MRPS21: variants seen among roughly 807,000 people sequenced by gnomAD.
MRPS21 encodes small ribosomal subunit protein bS21m.
Under a neutral mutation model 9.9 loss-of-function variants are expected in MRPS21, and 8 were observed. The ratio of observed to expected loss-of-function variants is 0.81; its 90% CI spans 0.47 to 1.45. MRPS21 has a LOEUF of 1.45. MRPS21 is among the 40% of genes most tolerant of loss of function. The pLI is 0.00. For missense variants in MRPS21, 101 were observed against 118.9 expected (o/e 0.85, Z 0.70); for synonymous variants, 40 against 40.3 (o/e 0.99, Z 0.03).
rs587677677 is a variant in MRPS21, at chr1:150,293,893, C to T, written c.-38C>T. 3 of 170,122 alleles carry T rather than the reference C, an allele frequency of 1.8e-5. No homozygotes were observed. Among genetic ancestry groups the T allele is most frequent in the Admixed American group, 5.7e-5 (1 of 17,552 alleles). 10.5% of individuals were successfully genotyped at this position (170,122 alleles called of 1,614,324 possible). On this transcript the variant is annotated 5_prime_UTR_variant, in exon 1 of 3. Coordinates refer to ENST00000614145, the MANE Select transcript of MRPS21 (RefSeq NM_031901.6). ...CTTCCGGTGGGCTAGGTACTGAGCGCGCGAGGTGAGGAGTTGTGCAGGGTT... is the reference window on the plus strand; with the variant it reads ...CTTCCGGTGGGCTAGGTACTGAGCGTGCGAGGTGAGGAGTTGTGCAGGGTT...
intron 2 of MRPS21, among the ~76,000 whole-genome samples, chr1:150,305,668 C>T (rs1216510113): frequency 6.6e-6 from 1 of 152,076 alleles, no homozygotes; most frequent in African/African-American, 2.4e-5. Context: ...GATCTCGGCT[C>T]ATTGCAACCT....
chr1:150,303,767 A>C (rs1560065621), intron 2 of MRPS21: 3 of 346,470 alleles, frequency 8.7e-6, no homozygotes, highest in Non-Finnish European at 1.8e-5. Flanking sequence ...ATGCCATCGT[A>C]GTAAAGGTAA....
intron 2 of MRPS21, 58 bp downstream of exon 2, chr1:150,294,507 C>T (rs587598907): frequency 1.4e-5 from 19 of 1,398,794 alleles, no homozygotes; most frequent in East Asian, 2.3e-5. Context: ...GGTGGTTATT[C>T]TCTCCCTTCC....
At chr1:150,296,592 A>G (rs1653923211) in intron 2 of MRPS21, among the ~76,000 whole-genome samples, 1 of 152,198 alleles carries the variant, frequency 6.6e-6, no homozygotes, top group Non-Finnish European at 1.5e-5. Context: ...AAAAAAATGT[A>G]GGAAAGATAT....
At chr1:150,300,963 C>T (rs782320934) in intron 2 of MRPS21, among the ~76,000 whole-genome samples, 22 of 150,134 alleles carry the variant, frequency 1.5e-4, no homozygotes, top group African/African-American at 4.9e-4. Flanking sequence ...TTTGGGAGGC[C>T]GAGGCGGGTG....
intron 2 of MRPS21, 110 bp from the exon 3 acceptor site, chr1:150,307,938 C>A: frequency 9.2e-7 from 1 of 1,082,194 alleles, no homozygotes; most frequent in Non-Finnish European, 1.3e-6. Flanking sequence ...CCATTTCCCA[C>A]TGTATTTTTT....
At chr1:150,306,094 T>A (rs1377193280) in intron 2 of MRPS21, among the ~76,000 whole-genome samples, 1 of 152,162 alleles carries the variant, frequency 6.6e-6, no homozygotes, top group Admixed American at 6.6e-5. Flanking sequence ...CTCTGTATAT[T>A]AGGAAAGATT....
intron 2 of MRPS21, among the ~76,000 whole-genome samples, chr1:150,297,408 A>C (rs1653954305): frequency 6.6e-6 from 1 of 152,130 alleles, no homozygotes; most frequent in Non-Finnish European, 1.5e-5. Context: ...GTGGTGGCTC[A>C]TGCCTGTAAT....
At chr1:150,300,171 C>T (rs1654064981) in intron 2 of MRPS21, among the ~76,000 whole-genome samples, 1 of 151,826 alleles carries the variant, frequency 6.6e-6, no homozygotes, top group Admixed American at 6.6e-5. Flanking sequence ...GGTAAAACCC[C>T]GTCTCTACTA....
rs1461548782 is a variant in MRPS21, at chr1:150,294,345, G to A, written c.-22G>A. On this transcript the variant is annotated 5_prime_UTR_variant, in exon 2 of 3. The change creates a new upstream start codon in the 5' untranslated region. Transcript: ENST00000614145. ...TCCATCATCCTTTAGGCTCTACAGA[G>A]TGAAGGTTTAAATCCAAGGTCATGG... 2.5e-6 allele frequency: 4 copies of A among 1,601,282 alleles called. No individual in the cohort carries two copies. In the Admixed American group the frequency reaches 6.7e-5, roughly 27 times the overall value.
chr1:150,296,417 G>T (rs587697071), intron 2 of MRPS21, among the ~76,000 whole-genome samples: 4 of 152,330 alleles, frequency 2.6e-5, no homozygotes, highest in African/African-American at 9.6e-5. Flanking sequence ...AATTATCAAA[G>T]AATTGTAAGG....
rs587619365 is a variant in MRPS21 at position 150,296,366 on chromosome 1, A to G, written c.83+1917A>G. Reference sequence around the variant, plus strand: ...ACTCACGCGTCATTTTCTTTCCCCAATGTGAAGTAACATTTGGAGAAACAA... The same window carrying G: ...ACTCACGCGTCATTTTCTTTCCCCAGTGTGAAGTAACATTTGGAGAAACAA... On this transcript the variant is annotated intron_variant, in intron 2 of 2. Transcript: ENST00000614145. Among the ~76,000 whole-genome samples the G allele has an allele frequency of 3.3e-4, 50 of 152,258 alleles. 2 individuals carry two copies. In the South Asian group the frequency reaches 7.7e-3, roughly 23 times the overall value.
In MRPS21 at chr1:150,294,427, A is replaced by G. The variant is rs781805904; in HGVS notation, c.61A>G (p.Ser21Gly). Reference sequence around the variant, plus strand: ...GATGGTACAGGAAGGGAACGTGGAAAGCGCATACAGGACCCTAAACAGGTA... The same window carrying G: ...GATGGTACAGGAAGGGAACGTGGAAGGCGCATACAGGACCCTAAACAGGTA... ...TVMVQEGNVE[S>G]AYRTLNRILT... Residue 21 changes from serine to glycine, a missense_variant, in exon 2 of 3, where the codon AGC becomes GGC. By Grantham distance (56) the Ser-to-Gly change is moderately conservative (BLOSUM62 0). Transcript: ENST00000614145. 20 of 1,613,600 alleles carry G rather than the reference A, an allele frequency of 1.2e-5. No homozygotes were observed. Among genetic ancestry groups the G allele is most frequent in the Non-Finnish European group, 1.5e-5 (18 of 1,179,702 alleles).
intron 2 of MRPS21, among the ~76,000 whole-genome samples, chr1:150,295,222 C>T (rs1653873855): frequency 6.6e-6 from 1 of 151,992 alleles, no homozygotes; most frequent in African/African-American, 2.4e-5. Flanking sequence ...TCTTGATCTC[C>T]TGACCTCAAG....
chr1:150,294,319 C>T lies in MRPS21; in HGVS notation c.-32-16C>T. On this transcript the variant is annotated splice_polypyrimidine_tract_variant and intron_variant, in intron 1 of 2. Coordinates refer to ENST00000614145, the MANE Select transcript of MRPS21 (RefSeq NM_031901.6). ...TCTCTTTCTGCTTTCCTCGCCCTTT[C>T]TCCATCATCCTTTAGGCTCTACAGA... 2 of 1,519,126 alleles carry T rather than the reference C, an allele frequency of 1.3e-6. No homozygotes were observed. Among genetic ancestry groups the T allele is most frequent in the Non-Finnish European group, 1.8e-6 (2 of 1,095,842 alleles). The allele number at this position is 1,519,126 out of a possible 1,614,324, so 94.1% of individuals were successfully genotyped here.
At position 150,308,093 on chromosome 1, in the gene MRPS21, G is replaced by T. The variant is rs782133441; in HGVS notation, c.129G>T (p.Arg43=). The change falls in exon 3 of 3, where the codon CGG becomes CGT. Residue 43 remains arginine (R), a synonymous_variant. Coordinates refer to ENST00000614145, the MANE Select transcript of MRPS21 (RefSeq NM_031901.6). ...TCATTGAGGACATTAAGCATCGGCGGTATTATGAGAAGCCATGCTGCCGGC... is the reference window on the plus strand; with the variant it reads ...TCATTGAGGACATTAAGCATCGGCGTTATTATGAGAAGCCATGCTGCCGGC... ...DGLIEDIKHR[R]YYEKPCCRRQ... is the part of the protein sequence containing the mutation. 15 of 1,604,594 alleles carry T rather than the reference G, an allele frequency of 9.3e-6. No homozygotes were observed. The highest frequency in any genetic ancestry group is 1.2e-5 in the Non-Finnish European group (14 of 1,171,920).
intron 2 of MRPS21, among the ~76,000 whole-genome samples, chr1:150,299,140 T>A (rs1654019222): frequency 6.6e-6 from 1 of 152,116 alleles, no homozygotes; most frequent in South Asian, 2.1e-4. Flanking sequence ...CGCTTGAACC[T>A]GGGAGGCAGA....
In MRPS21 at chr1:150,301,331, G is replaced by A. The variant is rs587620445; in HGVS notation, c.84-6717G>A. 264 of 229,746 alleles carry A rather than the reference G, an allele frequency of 1.1e-3. 5 individuals are homozygous for A. Among genetic ancestry groups the A allele is most frequent in the South Asian group, 6.8e-3 (257 of 37,882 alleles). The allele number at this position is 229,746 out of a possible 1,614,324, so 14.2% of individuals were successfully genotyped here. A position where few individuals can be genotyped will look rare whatever the true frequency, so the allele number is the denominator to read the frequency against. On this transcript the variant is annotated intron_variant, in intron 2 of 2. Transcript: ENST00000614145. The stretch of plus-strand genomic sequence containing the variant: ...ACCTGGGGGACGAGAGCGAGACTTC[G>A]TCTCAAAAGAAAAAAAATTAGCCGG...
chr1:150,304,179 T>G (rs782656132), intron 2 of MRPS21: 13 of 379,762 alleles, frequency 3.4e-5, no homozygotes, highest in South Asian at 2.6e-4. Flanking sequence ...GGTGTGGTGG[T>G]ACGCCCCTGT....
Sources: allele counts gnomAD v4.1 joint callset (sites outside exome capture counted in the v4.1 genomes callset), GRCh38; gene constraint gnomAD v4.1.1; transcripts MANE v1.5; gene names NCBI Gene and HGNC (gene_info 2026-07-23, HGNC 2026-07-21).